Variants in JAKMIP3 observed in about 807,000 individuals in gnomAD.
JAKMIP3 encodes Janus kinase and microtubule interacting protein 3, also known as janus kinase and microtubule-interacting protein 3.
A neutral mutation model predicts 118.5 loss-of-function variants in JAKMIP3; 58 were observed. The observed-to-expected ratio is 0.49, with a 90% confidence interval of 0.40 to 0.61. JAKMIP3 has a LOEUF of 0.61. Among genes scored for constraint, JAKMIP3 ranks in the 20% least tolerant of loss-of-function variants. JAKMIP3 has a pLI of 0.00. For missense variants in JAKMIP3, 950 were observed against 1,109.0 expected (o/e 0.86, Z 2.04); for synonymous variants, 486 against 451.2 (o/e 1.08, Z -0.98).
intron 1 of JAKMIP3, among the ~76,000 whole-genome samples, chr10:132,078,820 C>G (rs576678789): frequency 5.3e-5 from 8 of 152,328 alleles, no homozygotes; most frequent in African/African-American, 1.9e-4. Flanking sequence ...GCCAGAACCT[C>G]CCCCGAGCGT....
At chr10:132,163,503 C>A in intron 20 of JAKMIP3, 91 bp downstream of exon 20, 2 of 1,165,078 alleles carry the variant, frequency 1.7e-6, no homozygotes, top group Non-Finnish European at 2.4e-6. Flanking sequence ...ACACCTCCAA[C>A]CACTACCCCT....
At chr10:132,091,224 G>T (rs1262386739) in intron 1 of JAKMIP3, among the ~76,000 whole-genome samples, 2 of 152,224 alleles carry the variant, frequency 1.3e-5, no homozygotes, top group Non-Finnish European at 2.9e-5. Context: ...TGGAATAAGT[G>T]TGATGTGGTG....
At chr10:132,134,065 G>A (rs936284614) in intron 4 of JAKMIP3, among the ~76,000 whole-genome samples, 17 of 152,210 alleles carry the variant, frequency 1.1e-4, no homozygotes, top group African/African-American at 2.7e-4. Context: ...CCGCTCTGTC[G>A]TGTGGGGTCT....
chr10:132,140,802 G>T (rs1359848756), intron 10 of JAKMIP3, among the ~76,000 whole-genome samples: 1 of 152,184 alleles, frequency 6.6e-6, no homozygotes, highest in Non-Finnish European at 1.5e-5. Context: ...ACATGGCTTG[G>T]GGTGTGGGCT....
chr10:132,074,272 G>A (rs4880320), intron 1 of JAKMIP3, among the ~76,000 whole-genome samples: 73,429 of 151,992 alleles, frequency 0.48, 18,629 homozygotes, highest in East Asian at 0.68. Context: ...GGCTGGTCTC[G>A]AACTCCTGGC....
intron 1 of JAKMIP3, among the ~76,000 whole-genome samples, chr10:132,048,493 A>G (rs77096442): frequency 1.3e-5 from 2 of 152,258 alleles, no homozygotes; most frequent in East Asian, 3.9e-4. Flanking sequence ...TCCGGTAATG[A>G]CAATATTTGT....
intron 3 of JAKMIP3, among the ~76,000 whole-genome samples, chr10:132,129,440 G>A (rs957716844): frequency 2.6e-5 from 4 of 152,216 alleles, no homozygotes; most frequent in Admixed American, 2.6e-4. Context: ...GGACCTGAGG[G>A]AATCCTTAGT....
chr10:132,114,686 G>C (rs2047358382), intron 2 of JAKMIP3, among the ~76,000 whole-genome samples: 1 of 152,132 alleles, frequency 6.6e-6, no homozygotes, highest in Non-Finnish European at 1.5e-5. Context: ...AGATCAATTT[G>C]GGGAAAATAA....
chr10:132,141,142 C>G (rs1327777896), intron 10 of JAKMIP3, among the ~76,000 whole-genome samples: 1 of 152,216 alleles, frequency 6.6e-6, no homozygotes, highest in African/African-American at 2.4e-5. Context: ...GGCTGTGGGA[C>G]AAGGAGTGGG....
chr10:132,057,968 A>C (rs1422658127), intron 1 of JAKMIP3, among the ~76,000 whole-genome samples: 1 of 152,234 alleles, frequency 6.6e-6, no homozygotes, highest in Non-Finnish European at 1.5e-5. Flanking sequence ...GAGAGTCTGC[A>C]ATCAGGGCCG....
chr10:132,167,971 C>G lies in JAKMIP3; in HGVS notation c.*41C>G. ...CTTCCAGCCCCACATTGAATCGGAC[C>G]CTTTTCCTCCAGTGGGACCAGAAAG... On this transcript the variant is annotated 3_prime_UTR_variant, in exon 23 of 24. Coordinates refer to ENST00000684848, the MANE Select transcript of JAKMIP3 (RefSeq NM_001323087.2). The G allele has an allele frequency of 3.9e-6, 5 of 1,289,550 alleles. No individual in the cohort carries two copies. The highest frequency in any genetic ancestry group is 5.1e-6 in the Non-Finnish European group (5 of 988,838). 79.9% of individuals were successfully genotyped at this position (1,289,550 alleles called of 1,614,324 possible). A position where few individuals can be genotyped will look rare whatever the true frequency, so the allele number is the denominator to read the frequency against.
intron 3 of JAKMIP3, among the ~76,000 whole-genome samples, chr10:132,122,793 GAGAAGCTGGGTT>G (rs1419724180): frequency 6.6e-6 from 1 of 152,228 alleles, no homozygotes; most frequent in Non-Finnish European, 1.5e-5. Flanking sequence ...TGGGCTGCTG[GAGAAGCTGGGTT>G]ATCCAGTGGG....
At chr10:132,058,254 G>C (rs964850796) in intron 1 of JAKMIP3, among the ~76,000 whole-genome samples, 6 of 152,224 alleles carry the variant, frequency 3.9e-5, no homozygotes, top group Admixed American at 3.3e-4. Context: ...GGCACCCATG[G>C]GTGGAAATAC....
intron 1 of JAKMIP3, among the ~76,000 whole-genome samples, chr10:132,083,998 T>G (rs2042091175): frequency 6.6e-6 from 1 of 152,172 alleles, no homozygotes; most frequent in African/African-American, 2.4e-5. Context: ...TTTTGCTTAG[T>G]TTTGCTTTTG....
chr10:132,062,548 G>A (rs1240055456), upstream of JAKMIP3, among the ~76,000 whole-genome samples: 2 of 152,258 alleles, frequency 1.3e-5, no homozygotes, highest in African/African-American at 2.4e-5. Flanking sequence ...AGATCTACAC[G>A]CACCAGTGCG....
chr10:132,124,982 C>T (rs192174976), intron 3 of JAKMIP3, among the ~76,000 whole-genome samples: 1 of 152,244 alleles, frequency 6.6e-6, no homozygotes, highest in African/African-American at 2.4e-5. Flanking sequence ...TGCCATTAAG[C>T]CAGAGTATTC....
At chr10:132,083,921 GT>G (rs1266346804) in intron 1 of JAKMIP3, among the ~76,000 whole-genome samples, 3 of 152,154 alleles carry the variant, frequency 2.0e-5, no homozygotes, top group Non-Finnish European at 2.9e-5. Flanking sequence ...GTACCACGCT[GT>G]TTTGGTGACT....
At chr10:132,170,336 G>A (rs905354439) in intron 23 of JAKMIP3, 1 of 152,248 alleles carries the variant, frequency 6.6e-6, no homozygotes, top group East Asian at 1.9e-4. Flanking sequence ...CACACGGCGT[G>A]GACATACGCA....
intron 1 of JAKMIP3, among the ~76,000 whole-genome samples, chr10:132,039,500 G>A (rs558635722): frequency 6.6e-5 from 10 of 152,116 alleles, no homozygotes; most frequent in East Asian, 5.8e-4. Flanking sequence ...CCTGGACAGC[G>A]TGGTCCCTGC....
Sources: gnomAD v4.1 joint callset for allele counts (sites outside exome capture counted in the v4.1 genomes callset) on GRCh38, gnomAD v4.1.1 for gene constraint, MANE v1.5 for transcripts, NCBI Gene and HGNC (gene_info 2026-07-23, HGNC 2026-07-21) for gene names.